The following ZDHHC15 variants were observed in gnomAD, a reference collection of about 807,000 sequenced individuals.
ZDHHC15 encodes zDHHC palmitoyltransferase 15.
A neutral mutation model predicts 31.7 loss-of-function variants in ZDHHC15; 19 were observed. That is an observed-to-expected ratio of 0.60 (90% CI 0.42 to 0.88). ZDHHC15 has a LOEUF of 0.88. Among genes scored for constraint, ZDHHC15 ranks in the 40% least tolerant of loss-of-function variants. The pLI, the probability that ZDHHC15 is intolerant of heterozygous loss-of-function variation, is 0.00. For missense variants in ZDHHC15, 209 were observed against 251.2 expected, an observed-to-expected ratio of 0.83 and a Z score of 1.14; for synonymous variants, 103 against 90.0, an observed-to-expected ratio of 1.14 and a Z score of -0.82.
At chrX:75,413,806 C>T (rs1295445338) in intron 10 of ZDHHC15, among the ~76,000 whole-genome samples, 4 of 110,140 alleles carry the variant, frequency 3.6e-5, no homozygotes, top group Non-Finnish European at 7.6e-5. Flanking sequence ...ACTAAGATTA[C>T]TCCCAGCCCC....
In ZDHHC15 at chrX:75,370,760, G is replaced by C. The variant is rs998593971; in HGVS notation, c.*2218C>G. 3.6e-5 allele frequency: 4 copies of C among 111,197 alleles called. No individual in the cohort carries two copies. Among genetic ancestry groups the C allele is most frequent in the African/African-American group, 9.8e-5 (3 of 30,540 alleles). The allele number at this position is 111,197 out of a possible 1,213,427, so 9.2% of individuals were successfully genotyped here. A position where few individuals can be genotyped will look rare whatever the true frequency, so the allele number is the denominator to read the frequency against. On this transcript the variant is annotated 3_prime_UTR_variant, in exon 12 of 12. Transcript: ENST00000373367. Reference sequence around the variant, plus strand: ...TTGGTCAGGCTGGTCTTGAACTCCCGACCTCAGGTGGTCCGGCCGCCTTGG... The same window carrying C: ...TTGGTCAGGCTGGTCTTGAACTCCCCACCTCAGGTGGTCCGGCCGCCTTGG...
At chrX:75,416,691 A>G (rs2083552560) in intron 10 of ZDHHC15, among the ~76,000 whole-genome samples, 1 of 111,650 alleles carries the variant, frequency 9.0e-6, no homozygotes, top group Admixed American at 9.6e-5. Context: ...AAAGAGAGTG[A>G]GTATAGGATT....
chrX:75,488,947 T>C (rs971102420), intron 2 of ZDHHC15, among the ~76,000 whole-genome samples: 2 of 111,808 alleles, frequency 1.8e-5, no homozygotes, highest in Non-Finnish European at 3.8e-5. Flanking sequence ...CACCAGGAGA[T>C]TATATCCCAC....
At chrX:75,421,413 T>A (rs1205164225) in intron 9 of ZDHHC15, among the ~76,000 whole-genome samples, 1 of 9,101 alleles carries the variant, frequency 1.1e-4, no homozygotes, top group African/African-American at 1.7e-4. Context: ...ATATATATAA[T>A]ATATATATAA....
chrX:75,495,689 C>G, intron 2 of ZDHHC15, among the ~76,000 whole-genome samples: 1 of 105,054 alleles, frequency 9.5e-6, no homozygotes, highest in Middle Eastern at 5.0e-3. Context: ...GGACAAAAAA[C>G]CAAATACCGC....
intron 10 of ZDHHC15, among the ~76,000 whole-genome samples, chrX:75,398,639 T>C (rs1417742834): frequency 9.0e-6 from 1 of 111,496 alleles, no homozygotes; most frequent in East Asian, 2.8e-4. Context: ...ATCTTGTTCC[T>C]CCTCACTGGG....
intron 10 of ZDHHC15, among the ~76,000 whole-genome samples, chrX:75,402,610 C>T (rs755012170): frequency 3.0e-4 from 34 of 111,596 alleles, no homozygotes; most frequent in Non-Finnish European, 5.1e-4. Context: ...ACTATGAACA[C>T]CTGTATGCAC....
intron 10 of ZDHHC15, among the ~76,000 whole-genome samples, chrX:75,395,727 T>C (rs1429231783): frequency 9.0e-6 from 1 of 111,317 alleles, no homozygotes; most frequent in Non-Finnish European, 1.9e-5. Flanking sequence ...AGACCCAGAA[T>C]AGCCAAAGCT....
chrX:75,489,328 G>T (rs2084831994), intron 2 of ZDHHC15, among the ~76,000 whole-genome samples: 1 of 111,972 alleles, frequency 8.9e-6, no homozygotes, highest in South Asian at 3.8e-4. Context: ...CAGCCTAACT[G>T]GGAGGCACCC....
At chrX:75,436,983 G>A (rs943077758) in intron 4 of ZDHHC15, among the ~76,000 whole-genome samples, 5 of 111,815 alleles carry the variant, frequency 4.5e-5, no homozygotes, top group African/African-American at 1.3e-4. Context: ...CTGGGTTCAC[G>A]CCATTCTCCT....
chrX:75,456,967 T>C (rs1348697506), intron 3 of ZDHHC15, among the ~76,000 whole-genome samples: 2 of 111,986 alleles, frequency 1.8e-5, no homozygotes, highest in East Asian at 5.6e-4. Flanking sequence ...GAAATAGAGA[T>C]AATAATATCA....
chrX:75,405,207 A>G (rs1024450672), intron 10 of ZDHHC15, among the ~76,000 whole-genome samples: 1 of 111,144 alleles, frequency 9.0e-6, no homozygotes, highest in African/African-American at 3.3e-5. Context: ...GAAGGAAAAA[A>G]CAGACACTGG....
At chrX:75,500,433 C>T (rs2085071444) in intron 2 of ZDHHC15, among the ~76,000 whole-genome samples, 1 of 109,280 alleles carries the variant, frequency 9.2e-6, no homozygotes, top group Admixed American at 9.9e-5. Context: ...TGCACAGTAT[C>T]ACTCAATTAA....
chrX:75,377,435 G>T (rs1382730033), intron 11 of ZDHHC15, among the ~76,000 whole-genome samples: 1 of 109,442 alleles, frequency 9.1e-6, no homozygotes, highest in Non-Finnish European at 1.9e-5. Context: ...GGTGGAGGTT[G>T]CAGTGAGCCG....
rs563435883 is a variant in ZDHHC15, at chrX:75,404,377, A to G, written c.967+12710T>C. ...ACAACAATAGCAAAAATTGACAAAT[A>G]GTATCTAATTAAACCTAAGAGCTTC... is the stretch of plus-strand genomic sequence containing the variant. On this transcript the variant is annotated intron_variant, in intron 10 of 11. Transcript: ENST00000373367. Among the ~76,000 whole-genome samples the G allele has an allele frequency of 4.5e-5, 5 of 112,269 alleles. No individual in the cohort carries two copies. In the South Asian group the frequency reaches 1.8e-3, roughly 41 times the overall value.
chrX:75,437,767 A>T (rs2083882972), intron 4 of ZDHHC15, among the ~76,000 whole-genome samples: 1 of 110,265 alleles, frequency 9.1e-6, no homozygotes, highest in Non-Finnish European at 1.9e-5. Flanking sequence ...GTGTCTTTAA[A>T]GCAGCATGAT....
At chrX:75,504,603 C>T (rs2085131425) in intron 2 of ZDHHC15, among the ~76,000 whole-genome samples, 2 of 111,111 alleles carry the variant, frequency 1.8e-5, no homozygotes, top group South Asian at 7.5e-4. Context: ...TAGAAGGGAC[C>T]CCAGATAGTC....
intron 2 of ZDHHC15, among the ~76,000 whole-genome samples, chrX:75,484,881 G>T (rs990610952): frequency 8.9e-6 from 1 of 111,827 alleles, no homozygotes; most frequent in African/African-American, 3.2e-5. Context: ...ATACTTCTCC[G>T]CAATAAAAAC....
At chrX:75,376,980 A>G (rs1431793985) in intron 11 of ZDHHC15, among the ~76,000 whole-genome samples, 1 of 111,386 alleles carries the variant, frequency 9.0e-6, no homozygotes, top group East Asian at 2.8e-4. Context: ...AAAAAACTTC[A>G]AAAGAAAATG....
Sources: gnomAD v4.1 joint callset for allele counts (sites outside exome capture counted in the v4.1 genomes callset) on GRCh38, gnomAD v4.1.1 for gene constraint, MANE v1.5 for transcripts, NCBI Gene and HGNC (gene_info 2026-07-23, HGNC 2026-07-21) for gene names.